SIDT1: variants seen among roughly 807,000 people sequenced by gnomAD.
SIDT1 encodes the protein SID1 transmembrane family, member 1.
Under a neutral mutation model 107.5 loss-of-function variants are expected in SIDT1, and 101 were observed. The observed-to-expected ratio is 0.94, with a 90% CI of 0.80 to 1.11. The LOEUF is 1.11. Ranked by LOEUF, SIDT1 falls within the 50% of genes least tolerant of loss-of-function variation. SIDT1 has a pLI of 0.00. For missense variants in SIDT1, 1,076 were observed against 1,058.2 expected, an observed-to-expected ratio of 1.02 and a Z score of -0.23; for synonymous variants, 395 against 398.2, an observed-to-expected ratio of 0.99 and a Z score of 0.10.
chr3:113,635,730 G>A, the SIDT1 span, among the ~76,000 whole-genome samples: 1 of 151,882 alleles, frequency 6.6e-6, no homozygotes, highest in East Asian at 1.9e-4. Context: ...AGCCAGGCGT[G>A]GTGGCAGGTG....
At chr3:113,627,006 C>G (rs962552422) in intron 24 of SIDT1, among the ~76,000 whole-genome samples, 2 of 152,110 alleles carry the variant, frequency 1.3e-5, no homozygotes, top group African/African-American at 4.8e-5. Context: ...TATAAACAGT[C>G]CTTACGTCTT....
intron 16 of SIDT1, 47 bp from the exon 17 acceptor site, chr3:113,608,372 A>T (rs1945491962): frequency 3.3e-6 from 5 of 1,525,912 alleles, no homozygotes; most frequent in Non-Finnish European, 3.6e-6. Context: ...GACTTGGTGG[A>T]TATGGCACTA....
At chr3:113,619,345 C>A (rs1336931663) in intron 20 of SIDT1, among the ~76,000 whole-genome samples, 4 of 152,194 alleles carry the variant, frequency 2.6e-5, no homozygotes, top group Non-Finnish European at 5.9e-5. Context: ...ACAGAATTCT[C>A]TCAATTCTGT....
intron 10 of SIDT1, 22 bp from the exon 11 acceptor site, chr3:113,601,566 G>C (rs766222962): frequency 2.9e-5 from 46 of 1,577,104 alleles, no homozygotes; most frequent in African/African-American, 2.7e-4. Context: ...TAAAGTGTTT[G>C]CCTCTTCACT....
intron 24 of SIDT1, among the ~76,000 whole-genome samples, chr3:113,626,901 G>T (rs894392246): frequency 1.3e-5 from 2 of 152,116 alleles, no homozygotes; most frequent in Non-Finnish European, 2.9e-5. Context: ...TAGATGCCCG[G>T]GCTCCACGCA....
the SIDT1 span, among the ~76,000 whole-genome samples, chr3:113,634,616 C>T: frequency 5.9e-5 from 9 of 151,790 alleles, no homozygotes; most frequent in East Asian, 1.5e-3. Flanking sequence ...GCCAACATGG[C>T]GAAACCTTGT....
rs918722468 is a variant in SIDT1 at position 113,623,483 on chromosome 3, T to A, written c.2147T>A (p.Ile716Asn). 1.9e-6 allele frequency: 3 copies of A among 1,614,052 alleles called. No individual in the cohort carries two copies. In the African/African-American group the frequency reaches 4.0e-5, roughly 22 times the overall value. The stretch of plus-strand genomic sequence containing the variant: ...GACTTTGCTTCCTACATGCTGGGCA[T>A]CTTCATCTGTAACCTTTTGCTGTAC... ...PRDFASYMLG[I>N]FICNLLLYLA... Residue 716 changes from isoleucine to asparagine, a missense_variant, in exon 22 of 25, where the codon ATC becomes AAC. Transcript: ENST00000264852.
At chr3:113,606,325 C>G (rs753343465) in intron 14 of SIDT1, 1 of 152,210 alleles carries the variant, frequency 6.6e-6, no homozygotes, top group Non-Finnish European at 1.5e-5. Context: ...GGCTGTACCC[C>G]GTCCCAATTA....
At chr3:113,620,286 C>T (rs1303087169) in intron 21 of SIDT1, among the ~76,000 whole-genome samples, 2 of 150,654 alleles carry the variant, frequency 1.3e-5, no homozygotes, top group Admixed American at 6.6e-5. Flanking sequence ...CATTCTTCTT[C>T]CTCTTTCCCC....
intron 17 of SIDT1, among the ~76,000 whole-genome samples, chr3:113,610,718 A>C (rs1945673425): frequency 6.6e-6 from 1 of 152,202 alleles, no homozygotes; most frequent in Admixed American, 6.5e-5. Context: ...TTTGTTTATC[A>C]TATCAGACAC....
intron 1 of SIDT1, among the ~76,000 whole-genome samples, chr3:113,558,250 G>A (rs993517646): frequency 1.1e-4 from 16 of 152,154 alleles, no homozygotes; most frequent in Non-Finnish European, 1.8e-4. Flanking sequence ...TTATTACTAG[G>A]AAACATTCTA....
intron 1 of SIDT1, among the ~76,000 whole-genome samples, chr3:113,542,005 C>T (rs1298570475): frequency 1.3e-5 from 2 of 151,268 alleles, no homozygotes; most frequent in East Asian, 1.9e-4. Context: ...CTCACTGCAA[C>T]CTCTGCCTCC....
At chr3:113,598,708 A>G (rs948460960) in intron 10 of SIDT1, among the ~76,000 whole-genome samples, 28 of 152,218 alleles carry the variant, frequency 1.8e-4, no homozygotes, top group Admixed American at 5.2e-4. Flanking sequence ...GATAAAATAT[A>G]TGGTAAAATA....
chr3:113,566,159 T>A (rs1208391674), intron 1 of SIDT1, among the ~76,000 whole-genome samples: 5 of 152,184 alleles, frequency 3.3e-5, no homozygotes, highest in Admixed American at 6.5e-5. Context: ...GGCATCATTT[T>A]AAAAAATTCT....
chr3:113,563,582 C>T (rs1052816366), intron 1 of SIDT1, among the ~76,000 whole-genome samples: 11 of 152,188 alleles, frequency 7.2e-5, no homozygotes, highest in African/African-American at 2.2e-4. Context: ...AAATCCGGAA[C>T]GTGGGTTCTT....
chr3:113,599,045 G>C (rs1048017254), intron 10 of SIDT1, among the ~76,000 whole-genome samples: 1 of 152,224 alleles, frequency 6.6e-6, no homozygotes, highest in South Asian at 2.1e-4. Flanking sequence ...CAGGAGGATC[G>C]CCTGAACCCG....
intron 10 of SIDT1, among the ~76,000 whole-genome samples, chr3:113,595,150 A>G (rs1354820919): frequency 1.3e-5 from 2 of 152,236 alleles, no homozygotes; most frequent in South Asian, 2.1e-4. Flanking sequence ...CTCAAACTCA[A>G]TATTATTGAC....
intron 1 of SIDT1, among the ~76,000 whole-genome samples, chr3:113,555,520 C>T (rs1940754166): frequency 6.6e-6 from 1 of 152,144 alleles, no homozygotes; most frequent in Non-Finnish European, 1.5e-5. Flanking sequence ...CAATGATTAT[C>T]CTTCTCCTCA....
intron 4 of SIDT1, among the ~76,000 whole-genome samples, chr3:113,578,172 A>G (rs967874711): frequency 3.3e-5 from 5 of 152,262 alleles, no homozygotes; most frequent in Non-Finnish European, 5.9e-5. Context: ...AACCTAAAGT[A>G]GAAGGGGAAT....
Sources: gnomAD v4.1 joint callset for allele counts (sites outside exome capture counted in the v4.1 genomes callset) on GRCh38, gnomAD v4.1.1 for gene constraint, MANE v1.5 for transcripts, NCBI Gene and HGNC (gene_info 2026-07-23, HGNC 2026-07-21) for gene names.